The following NMT2 variants were observed in gnomAD, a reference collection of about 807,000 sequenced individuals.
NMT2 encodes the protein glycylpeptide N-tetradecanoyltransferase 2.
NMT2 carries 35 observed loss-of-function variants against 65.4 expected under a neutral mutation model. The observed-to-expected ratio is 0.54, with a 90% CI of 0.41 to 0.71. The LOEUF (loss-of-function observed/expected upper bound fraction) is 0.71, where lower values mean the gene tolerates loss of function less well. NMT2 is among the 30% of genes least tolerant of loss of function. The pLI, the probability that NMT2 is intolerant of heterozygous loss-of-function variation, is 0.00. For synonymous variants in NMT2, 226 were observed against 231.8 expected, an observed-to-expected ratio of 0.98 and a Z score of 0.23; for missense variants, 489 against 611.3, an observed-to-expected ratio of 0.80 and a Z score of 2.11.
intron 1 of NMT2, among the ~76,000 whole-genome samples, chr10:15,151,783 G>T (rs1433239507): frequency 6.6e-6 from 1 of 152,208 alleles, no homozygotes; most frequent in Admixed American, 6.5e-5. Context: ...CCAGCACTTT[G>T]GGAGGCTGAG....
intron 1 of NMT2, among the ~76,000 whole-genome samples, chr10:15,161,233 G>A (rs1157824153): frequency 6.6e-6 from 1 of 152,026 alleles, no homozygotes; most frequent in Non-Finnish European, 1.5e-5. Context: ...TTATGTGGGA[G>A]GGGAAAAGAA....
At position 15,141,473 on chromosome 10, in the gene NMT2, C is replaced by CTTGGTGCCTCCGGAAT; in HGVS notation, c.179_194dup (p.Ser66PhefsTer11). The CTTGGTGCCTCCGGAAT allele has an allele frequency of 6.2e-7, 1 of 1,614,240 alleles. No homozygotes were observed. Among genetic ancestry groups the CTTGGTGCCTCCGGAAT allele is most frequent in the East Asian group, 2.2e-5 (1 of 44,888 alleles). ...CCTGGGAATCAGATGCCGAGTCTGA[C>CTTGGTGCCTCCGGAAT]TTGGTGCCTCCGGAATTTGGTTTCT... On this transcript the variant is annotated frameshift_variant, in exon 2 of 12. Transcript: ENST00000378165. LOFTEE classifies it high-confidence loss of function.
At chr10:15,137,046 C>T (rs1316696155) in intron 2 of NMT2, among the ~76,000 whole-genome samples, 1 of 152,164 alleles carries the variant, frequency 6.6e-6, no homozygotes, top group East Asian at 1.9e-4. Flanking sequence ...TTCGGTTTTG[C>T]TGTATGTCAA....
intron 9 of NMT2, among the ~76,000 whole-genome samples, chr10:15,118,701 A>G (rs1845827362): frequency 6.6e-6 from 1 of 152,212 alleles, no homozygotes; most frequent in African/African-American, 2.4e-5. Flanking sequence ...ATAAATTAAC[A>G]AGATACTGTT....
chr10:15,143,865 A>G (rs1846864170), intron 1 of NMT2, among the ~76,000 whole-genome samples: 1 of 152,198 alleles, frequency 6.6e-6, no homozygotes, highest in Non-Finnish European at 1.5e-5. Flanking sequence ...AAAAACAACT[A>G]CAACAACAAC....
chr10:15,118,186 A>G (rs11816623), intron 9 of NMT2, among the ~76,000 whole-genome samples: 5,541 of 152,308 alleles, frequency 0.036, 185 homozygotes, highest in African/African-American at 0.081. Flanking sequence ...TCAACGAAAT[A>G]GAATATAGAG....
At chr10:15,115,440 A>G (rs959750517) in intron 9 of NMT2, among the ~76,000 whole-genome samples, 1 of 152,238 alleles carries the variant, frequency 6.6e-6, no homozygotes, top group Non-Finnish European at 1.5e-5. Context: ...ACCATCATAA[A>G]AACTATACAA....
intron 2 of NMT2, among the ~76,000 whole-genome samples, chr10:15,137,587 G>C (rs780604170): frequency 1.3e-5 from 2 of 152,064 alleles, no homozygotes; most frequent in Non-Finnish European, 2.9e-5. Context: ...TAGGAATTGA[G>C]ATCACAGCAT....
intron 1 of NMT2, chr10:15,155,387 G>C (rs1472247509): frequency 4.6e-6 from 3 of 656,542 alleles, no homozygotes; most frequent in Non-Finnish European, 8.1e-6. Flanking sequence ...GTTTTTTTAA[G>C]AGATTGGGTC....
chr10:15,130,743 GAAA>G (rs1216354180), intron 6 of NMT2, among the ~76,000 whole-genome samples: 1 of 98,724 alleles, frequency 1.0e-5, no homozygotes, highest in Non-Finnish European at 2.1e-5. Flanking sequence ...GAAAGAAAAA[GAAA>G]AAAAAGAACA....
intron 1 of NMT2, among the ~76,000 whole-genome samples, chr10:15,146,635 G>C (rs76271744): frequency 3.9e-5 from 6 of 152,152 alleles, no homozygotes; most frequent in Non-Finnish European, 1.5e-5. Flanking sequence ...GCGCAGTCTC[G>C]ACCCTGGATG....
intron 1 of NMT2, among the ~76,000 whole-genome samples, chr10:15,142,938 T>C (rs1011230089): frequency 6.6e-6 from 1 of 152,214 alleles, no homozygotes; most frequent in African/African-American, 2.4e-5. Context: ...GTGTTCCTAT[T>C]GCTGGCACCC....
At chr10:15,125,366 T>A (rs973675804) in intron 8 of NMT2, among the ~76,000 whole-genome samples, 1 of 152,314 alleles carries the variant, frequency 6.6e-6, no homozygotes, top group Middle Eastern at 3.4e-3. Context: ...CAGGAGAAGA[T>A]TGACTCTTGT....
At chr10:15,140,712 G>C (rs1320733255) in intron 2 of NMT2, among the ~76,000 whole-genome samples, 1 of 152,060 alleles carries the variant, frequency 6.6e-6, no homozygotes, top group Non-Finnish European at 1.5e-5. Flanking sequence ...TGAGTTTCTT[G>C]CATCAAGAGG....
In NMT2 at chr10:15,109,834, T is replaced by G; in HGVS notation, c.1344A>C (p.Gly448=). 3 of 1,601,182 alleles carry G rather than the reference T, an allele frequency of 1.9e-6. No homozygotes were observed. The South Asian group carries it at 3.4e-5, about 18-fold the overall frequency. The change falls in exon 11 of 12, where the codon GGA becomes GGC. Residue 448 remains glycine (G), a synonymous_variant. Coordinates refer to ENST00000378165, the MANE Select transcript of NMT2 (RefSeq NM_004808.3). Reference sequence around the variant, plus strand: ...AATCCAGTGCATTGAATACATCAAATCCTTTCTGCCAATTTAAAAAAGATT... The same window carrying G: ...AATCCAGTGCATTGAATACATCAAAGCCTTTCTGCCAATTTAAAAAAGATT... ...SDALILAKSK[G]FDVFNALDLM... is the part of the protein sequence containing the mutation.
intron 10 of NMT2, among the ~76,000 whole-genome samples, chr10:15,111,152 A>G (rs1845499095): frequency 6.6e-6 from 1 of 152,154 alleles, no homozygotes; most frequent in South Asian, 2.1e-4. Flanking sequence ...ATTATTAATT[A>G]TTAGCCTTTC....
intron 1 of NMT2, among the ~76,000 whole-genome samples, chr10:15,147,645 A>C (rs1052551123): frequency 6.6e-6 from 1 of 152,184 alleles, no homozygotes; most frequent in African/African-American, 2.4e-5. Context: ...GAAAAAAAAA[A>C]CAAATTCCAA....
intron 1 of NMT2, among the ~76,000 whole-genome samples, chr10:15,154,240 C>A (rs1012842903): frequency 6.6e-6 from 1 of 152,180 alleles, no homozygotes; most frequent in East Asian, 1.9e-4. Flanking sequence ...GTGCCCAGAA[C>A]AAACTGTCAC....
intron 1 of NMT2, among the ~76,000 whole-genome samples, chr10:15,161,735 TG>T (rs1259075980): frequency 6.6e-6 from 1 of 152,188 alleles, no homozygotes; most frequent in Non-Finnish European, 1.5e-5. Flanking sequence ...AAAATGTTTT[TG>T]TTAACAGGAA....
Sources: gnomAD v4.1 joint callset for allele counts (sites outside exome capture counted in the v4.1 genomes callset) on GRCh38, gnomAD v4.1.1 for gene constraint, MANE v1.5 for transcripts, NCBI Gene and HGNC (gene_info 2026-07-23, HGNC 2026-07-21) for gene names.